B4GALT1: variants seen among roughly 807,000 people sequenced by gnomAD.
The protein encoded by B4GALT1 is beta-1,4-galactosyltransferase 1.
In B4GALT1, 16 loss-of-function variants were observed where a neutral mutation model predicts 34.9. The observed-to-expected ratio is 0.46, with a 90% CI of 0.31 to 0.70. The LOEUF (loss-of-function observed/expected upper bound fraction) is 0.70, where lower values mean the gene tolerates loss of function less well. B4GALT1 is among the 30% of genes least tolerant of loss of function. The pLI is 0.05. For synonymous variants in B4GALT1, 221 were observed against 218.1 expected (o/e 1.01, Z -0.12); for missense variants, 445 against 530.5 (o/e 0.84, Z 1.58).
upstream of B4GALT1, chr9:33,167,426 C>A: frequency 4.8e-6 from 1 of 209,542 alleles, no homozygotes; most frequent in South Asian, 1.8e-4. Context: ...GTTTTCTGGA[C>A]GAGGGCGGGA....
chr9:33,119,208 T>C (rs1219950625), intron 3 of B4GALT1, among the ~76,000 whole-genome samples: 4 of 152,126 alleles, frequency 2.6e-5, no homozygotes, highest in Admixed American at 2.0e-4. Flanking sequence ...AAACACGGAA[T>C]TAGGAAACAA....
intron 1 of B4GALT1, among the ~76,000 whole-genome samples, chr9:33,165,099 AGTAGCT>A (rs989636833): frequency 6.6e-6 from 1 of 150,552 alleles, no homozygotes; most frequent in Non-Finnish European, 1.5e-5. Flanking sequence ...CGGCCTCCTG[AGTAGCT>A]GCGATGCCAC....
chr9:33,167,404 GC>G, upstream of B4GALT1: 1 of 380,118 alleles, frequency 2.6e-6, no homozygotes, highest in Non-Finnish European at 4.4e-6. Flanking sequence ...CGGGGGCGGG[GC>G]CGGGCGCGGG....
At chr9:33,157,347 G>C (rs537759387) in intron 1 of B4GALT1, among the ~76,000 whole-genome samples, 2 of 152,046 alleles carry the variant, frequency 1.3e-5, no homozygotes, top group South Asian at 2.1e-4. Flanking sequence ...TCTTCCCCAG[G>C]AATTTATCCC....
chr9:33,166,645 AGAGG>A, intron 1 of B4GALT1, 109 bp downstream of exon 1: 1 of 1,217,744 alleles, frequency 8.2e-7, no homozygotes, highest in Non-Finnish European at 1.1e-6. Context: ...CTGATCCAGA[AGAGG>A]GAGGCTGGCT....
chr9:33,135,091 G>T, intron 2 of B4GALT1, 98 bp downstream of exon 2: 1 of 1,279,590 alleles, frequency 7.8e-7, no homozygotes, highest in Non-Finnish European at 1.1e-6. Flanking sequence ...CCAGGTGTCT[G>T]TGAAATCACT....
the B4GALT1 span, among the ~76,000 whole-genome samples, chr9:33,173,106 T>G: frequency 1.4e-4 from 22 of 151,868 alleles, 1 homozygote; most frequent in Non-Finnish European, 2.2e-4. Context: ...CAACACTGAT[T>G]AAAAAGTAAC....
intron 1 of B4GALT1, among the ~76,000 whole-genome samples, chr9:33,152,346 TAACATAACATAACATAACATAACA>T (rs1289727551): frequency 1.3e-4 from 11 of 87,340 alleles, no homozygotes; most frequent in African/African-American, 4.1e-4. Context: ...TAACATAACA[TAACATAACATAACATAACATAACA>T]ACTTCTACAT....
intron 2 of B4GALT1, among the ~76,000 whole-genome samples, chr9:33,128,324 CA>C (rs1341645304): frequency 6.6e-6 from 1 of 152,120 alleles, no homozygotes; most frequent in Non-Finnish European, 1.5e-5. Flanking sequence ...GTCAAAGCTG[CA>C]AGGGAAAAGG....
At chr9:33,126,476 C>T (rs894321762) in intron 2 of B4GALT1, among the ~76,000 whole-genome samples, 5 of 151,826 alleles carry the variant, frequency 3.3e-5, no homozygotes, top group African/African-American at 9.7e-5. Context: ...GACAGGGTCT[C>T]GCCATGTTGC....
At chr9:33,122,145 G>A (rs1216045691) in intron 2 of B4GALT1, among the ~76,000 whole-genome samples, 1 of 152,112 alleles carries the variant, frequency 6.6e-6, no homozygotes, top group Non-Finnish European at 1.5e-5. Context: ...CTACTTTGGG[G>A]AAAAAGTGTG....
intron 5 of B4GALT1, 70 bp downstream of exon 5, chr9:33,113,704 C>T: frequency 1.2e-6 from 2 of 1,606,818 alleles, no homozygotes; most frequent in Non-Finnish European, 1.7e-6. Context: ...TCCCTCTAGG[C>T]CCAGAGCCTC....
intron 3 of B4GALT1, among the ~76,000 whole-genome samples, chr9:33,119,707 C>A (rs1275364721): frequency 2.0e-5 from 3 of 152,220 alleles, no homozygotes; most frequent in Non-Finnish European, 4.4e-5. Context: ...CAGAGCAAGA[C>A]CCTGTCTCAA....
chr9:33,176,935 CA>C, the B4GALT1 span, among the ~76,000 whole-genome samples: 3 of 151,974 alleles, frequency 2.0e-5, no homozygotes, highest in African/African-American at 7.3e-5. Flanking sequence ...GAAACGGCAA[CA>C]AAAAAGTCTT....
chr9:33,171,564 T>G (rs1840841150), upstream of B4GALT1, among the ~76,000 whole-genome samples: 1 of 148,566 alleles, frequency 6.7e-6, no homozygotes, highest in African/African-American at 2.5e-5. Flanking sequence ...TTGTTTTTAC[T>G]TTTTTTTTTA....
At chr9:33,142,727 G>A (rs1040471078) in intron 1 of B4GALT1, among the ~76,000 whole-genome samples, 2 of 152,114 alleles carry the variant, frequency 1.3e-5, no homozygotes, top group East Asian at 3.9e-4. Context: ...TCAGCCTCCC[G>A]TGGGACTGCA....
rs1173642995 is a variant in B4GALT1 at position 33,167,085 on chromosome 9, C to A, written c.85G>T (p.Val29Phe). The part of the protein sequence containing the change: ...LQRACRLLVA[V>F]CALHLGVTLV... ...GTGACGCCAAGGTGCAGAGCGCAGA[C>A]GGCCACGAGCAGGCGGCAGGCCCGC... The change falls in exon 1 of 6, where the codon GTC becomes TTC. Residue 29 changes from valine (V) to phenylalanine (F), a missense_variant. Val to Phe is a conservative substitution (Grantham distance 50, BLOSUM62 -1). This residue lies in a region of B4GALT1 where 349 missense variants were observed against 395.5 expected (regional missense o/e 0.88). Coordinates refer to ENST00000379731, the MANE Select transcript of B4GALT1 (RefSeq NM_001497.4). 6.2e-7 allele frequency: 1 copy of A among 1,604,300 alleles called. No individual in the cohort carries two copies. The highest frequency in any genetic ancestry group is 1.3e-5 in the African/African-American group (1 of 74,888).
At chr9:33,105,965 T>G (rs534098320), downstream of B4GALT1, among the ~76,000 whole-genome samples, 1 of 150,452 alleles carries the variant, frequency 6.6e-6, no homozygotes, top group African/African-American at 2.4e-5. Flanking sequence ...TTATTTCTTT[T>G]GGGTATATAG....
upstream of B4GALT1, among the ~76,000 whole-genome samples, chr9:33,169,667 C>A (rs552757716): frequency 1.3e-5 from 2 of 151,960 alleles, no homozygotes; most frequent in Non-Finnish European, 2.9e-5. Context: ...ATTACAGGTG[C>A]CTGCCATCAC....
Sources: gnomAD v4.1 joint callset for allele counts (sites outside exome capture counted in the v4.1 genomes callset) on GRCh38, gnomAD v4.1.1 for gene constraint, gnomAD v4.1.1 regional missense constraint, MANE v1.5 for transcripts, NCBI Gene and HGNC (gene_info 2026-07-23, HGNC 2026-07-21) for gene names.